The following MFSD2B variants were observed in gnomAD, a reference collection of about 807,000 sequenced individuals.
MFSD2B encodes the protein sphingosine-1-phosphate transporter MFSD2B.
Under a neutral mutation model 58.4 loss-of-function variants are expected in MFSD2B, and 56 were observed. The observed-to-expected ratio is 0.96, with a 90% CI of 0.77 to 1.20. The LOEUF is 1.20. Among genes scored for constraint, MFSD2B ranks in the 50% most tolerant of loss-of-function variants. MFSD2B has a pLI of 0.00. For missense variants in MFSD2B, 645 were observed against 667.6 expected, an observed-to-expected ratio of 0.97 and a Z score of 0.37; for synonymous variants, 287 against 294.4, an observed-to-expected ratio of 0.97 and a Z score of 0.26.
In MFSD2B at chr2:24,020,052, C is replaced by T. The variant is rs1053449367; in HGVS notation, c.682-1596C>T. Among the ~76,000 whole-genome samples the T allele has an allele frequency of 3.9e-5, 6 of 152,238 alleles. No homozygotes were observed. Among genetic ancestry groups the T allele is most frequent in the Non-Finnish European group, 5.9e-5 (4 of 68,042 alleles). The stretch of plus-strand genomic sequence containing the variant: ...TCTGTACACATGCCTCCCAGCTACA[C>T]GACCACGTCCAGGACCTGGTGCTAG... On this transcript the variant is annotated intron_variant, in intron 6 of 13. Transcript: ENST00000338315. The surrounding 1 kb of genome is among the most constrained non-coding windows in gnomAD (Gnocchi z 4.1).
chr2:24,019,537 AC>A (rs1662678624), intron 6 of MFSD2B, among the ~76,000 whole-genome samples: 1 of 152,136 alleles, frequency 6.6e-6, no homozygotes, highest in Admixed American at 6.5e-5. Context: ...AGCCTGGCCA[AC>A]ATGGTGAAAC....
At position 24,025,589 on chromosome 2, in the gene MFSD2B, G is replaced by A; in HGVS notation, c.*133G>A. On this transcript the variant is annotated 3_prime_UTR_variant, in exon 14 of 14. Transcript: ENST00000338315. ...TTCTCCCTGGGATGTGGAGTCTTCG[G>A]CAACGTGTCCTGAAGGGACTGGCCC... 1.2e-6 allele frequency: 1 copy of A among 819,780 alleles called. No homozygotes were observed. Among genetic ancestry groups the A allele is most frequent in the Non-Finnish European group, 2.0e-6 (1 of 503,678 alleles). 50.8% of individuals were successfully genotyped at this position (819,780 alleles called of 1,614,324 possible).
rs1248834731 is a variant in MFSD2B at position 24,023,050 on chromosome 2, T to C, written c.1060-80T>C. 7 of 1,360,704 alleles carry C rather than the reference T, an allele frequency of 5.1e-6. No individual in the cohort carries two copies. The African/African-American group carries it at 1.0e-4, about 19-fold the overall frequency. 84.3% of individuals were successfully genotyped at this position (1,360,704 alleles called of 1,614,324 possible). A position where few individuals can be genotyped will look rare whatever the true frequency, so the allele number is the denominator to read the frequency against. On this transcript the variant is annotated intron_variant, in intron 10 of 13. Transcript: ENST00000338315. This position sits in a 1 kb window ranked among gnomAD's most constrained non-coding sequence, Gnocchi z 5.0. ...CCTAGCACAGGGCAAGGCATGGGGG[T>C]CGTCAGTCGAGTCGTGTGTGAAGGA...
chr2:24,017,221 G>T lies in MFSD2B; in HGVS notation c.472-65G>T. 6.7e-7 allele frequency: 1 copy of T among 1,490,154 alleles called. No individual in the cohort carries two copies. The highest frequency in any genetic ancestry group is 2.5e-5 in the East Asian group (1 of 40,588). The allele number at this position is 1,490,154 out of a possible 1,614,324, so 92.3% of individuals were successfully genotyped here. ...GGTGTCGGGATGTGACACCCAGGAT[G>T]GGGGAGGTCGCCCGCTGTCACCAGG... On this transcript the variant is annotated intron_variant, in intron 4 of 13. Transcript: ENST00000338315. This position sits in a 1 kb window ranked among gnomAD's most constrained non-coding sequence, Gnocchi z 4.8.
Position 24,017,527 on chromosome 2 carries a change from A to G in MFSD2B, c.620A>G (p.His207Arg). The G allele has an allele frequency of 1.3e-6, 2 of 1,579,072 alleles. No homozygotes were observed. Among genetic ancestry groups the G allele is most frequent in the South Asian group, 1.2e-5 (1 of 86,260 alleles). ...TVHGLIVSGA[H>R]RPHRCEATAT... is the part of the protein sequence containing the mutation. Reference sequence around the variant, plus strand: ...CACGGGCTCATCGTGTCCGGCGCCCACAGACCCCACAGGTGCGAGGCCACT... The same window carrying G: ...CACGGGCTCATCGTGTCCGGCGCCCGCAGACCCCACAGGTGCGAGGCCACT... The change falls in exon 6 of 14, where the codon CAC becomes CGC. Residue 207 changes from histidine to arginine, a missense_variant. Physicochemically the swap from His to Arg is conservative, Grantham distance 29 (BLOSUM62 0). Coordinates refer to ENST00000338315, the MANE Select transcript of MFSD2B (RefSeq NM_001346880.2). This position sits in a 1 kb window ranked among gnomAD's most constrained non-coding sequence, Gnocchi z 4.8.
chr2:24,016,394 T>A, intron 3 of MFSD2B, 114 bp downstream of exon 3: 1 of 1,183,774 alleles, frequency 8.4e-7, no homozygotes, highest in Non-Finnish European at 1.2e-6. Context: ...GAGACAAGAC[T>A]GGATAATATC....
Position 24,017,060 on chromosome 2 carries a change from C to T in MFSD2B, c.471+92C>T. ...GTGTGCTGTGGGGGCAGGGCTGCCG[C>T]CCTCCCCACCCGCCTGTGCCTGGAC... On this transcript the variant is annotated intron_variant, in intron 4 of 13. Transcript: ENST00000338315. This position sits in a 1 kb window ranked among gnomAD's most constrained non-coding sequence, Gnocchi z 4.8. 1 of 1,488,400 alleles carries T rather than the reference C, an allele frequency of 6.7e-7. No individual in the cohort carries two copies. The highest frequency in any genetic ancestry group is 9.0e-7 in the Non-Finnish European group (1 of 1,111,956). 92.2% of individuals were successfully genotyped at this position (1,488,400 alleles called of 1,614,324 possible).
In MFSD2B at chr2:24,024,100, CG is replaced by C; in HGVS notation, c.1323del (p.Tyr442IlefsTer27). 2 of 1,613,588 alleles carry C rather than the reference CG, an allele frequency of 1.2e-6. No homozygotes were observed. The highest frequency in any genetic ancestry group is 1.7e-6 in the Non-Finnish European group (2 of 1,179,742). ...GCTGGCTGATGTTTCTCCAGGTTCT[CG>C]GGGTATAAGGCAGGGGTCTGCAAGC... The part of the protein sequence containing the change: ...LGISTLSLEF[S>X]GYKAGVCKQA... On this transcript the variant is annotated frameshift_variant, in exon 13 of 14. Coordinates refer to ENST00000338315, the MANE Select transcript of MFSD2B (RefSeq NM_001346880.2). LOFTEE classifies it high-confidence loss of function. This position sits in a 1 kb window ranked among gnomAD's most constrained non-coding sequence, Gnocchi z 4.3.
Position 24,017,048 on chromosome 2 carries a change from G to C in MFSD2B, c.471+80G>C, listed in dbSNP as rs985534113. 3.2e-6 allele frequency: 5 copies of C among 1,563,642 alleles called. No individual in the cohort carries two copies. Among genetic ancestry groups the C allele is most frequent in the Non-Finnish European group, 4.3e-6 (5 of 1,156,024 alleles). ...GGCCACTCTGAAGTGTGCTGTGGGG[G>C]CAGGGCTGCCGCCCTCCCCACCCGC... On this transcript the variant is annotated intron_variant, in intron 4 of 13. Transcript: ENST00000338315. The surrounding 1 kb of genome is among the most constrained non-coding windows in gnomAD (Gnocchi z 4.8).
chr2:24,014,394 T>A (rs1420230829), intron 2 of MFSD2B, among the ~76,000 whole-genome samples: 1 of 152,184 alleles, frequency 6.6e-6, no homozygotes, highest in African/African-American at 2.4e-5. Context: ...TCTCAGGTGT[T>A]CCATCCACCA....
chr2:24,022,995 G>T lies in MFSD2B; in HGVS notation c.1059+93G>T. 1 of 1,372,998 alleles carries T rather than the reference G, an allele frequency of 7.3e-7. No homozygotes were observed. 85.1% of individuals were successfully genotyped at this position (1,372,998 alleles called of 1,614,324 possible). A position where few individuals can be genotyped will look rare whatever the true frequency, so the allele number is the denominator to read the frequency against. On this transcript the variant is annotated intron_variant, in intron 10 of 13. Transcript: ENST00000338315. The surrounding 1 kb of genome is among the most constrained non-coding windows in gnomAD (Gnocchi z 4.5). ...CCTGAGCCTCCTGGGGCCAGCAGGG[G>T]TGGATCTGTGTTCCCTTGAGTCTTT...
rs755574784 is a variant in MFSD2B, at chr2:24,023,289, C to T, written c.1169+50C>T. On this transcript the variant is annotated intron_variant, in intron 11 of 13. Coordinates refer to ENST00000338315, the MANE Select transcript of MFSD2B (RefSeq NM_001346880.2). The surrounding 1 kb of genome is among the most constrained non-coding windows in gnomAD (Gnocchi z 5.0). Reference sequence around the variant, plus strand: ...GTGTGTCCACAGTGGGTGTCACCTCCTTCATGTAAACCTGCCGTCCCAGGC... The same window carrying T: ...GTGTGTCCACAGTGGGTGTCACCTCTTTCATGTAAACCTGCCGTCCCAGGC... 6.8e-7 allele frequency: 1 copy of T among 1,471,734 alleles called. No individual in the cohort carries two copies. The highest frequency in any genetic ancestry group is 1.7e-5 in the Admixed American group (1 of 59,724). 91.2% of individuals were successfully genotyped at this position (1,471,734 alleles called of 1,614,324 possible). A position where few individuals can be genotyped will look rare whatever the true frequency, so the allele number is the denominator to read the frequency against.
chr2:24,019,081 C>G (rs1472217305), intron 6 of MFSD2B, among the ~76,000 whole-genome samples: 2 of 152,032 alleles, frequency 1.3e-5, no homozygotes, highest in Non-Finnish European at 2.9e-5. Flanking sequence ...AAATTCCTGA[C>G]CTCAGGTAAT....
chr2:24,012,147 ACAAAACACACACAC>A lies in MFSD2B; in HGVS notation c.97-1137_97-1124del, dbSNP rs1708975093. 7.8e-6 allele frequency among the ~76,000 whole-genome samples: 1 copy of A among 128,206 alleles called. No homozygotes were observed. Among genetic ancestry groups the A allele is most frequent in the African/African-American group, 2.8e-5 (1 of 36,024 alleles). The allele number at this position is 128,206 out of a possible 152,430, so 84.1% of individuals were successfully genotyped here. A position where few individuals can be genotyped will look rare whatever the true frequency, so the allele number is the denominator to read the frequency against. On this transcript the variant is annotated intron_variant, in intron 1 of 13. Transcript: ENST00000338315. The surrounding 1 kb of genome is among the most constrained non-coding windows in gnomAD (Gnocchi z 4.5). ...GATCTGGAAACAAACAAACAAACAA[ACAAAACACACACAC>A]ACACACACACACACACACAAAAACA...
rs1265171936 is a variant in MFSD2B at position 24,012,181 on chromosome 2, A to C, written c.97-1104A>C. ...ACACACACACACACACACACACACA[A>C]AAACAGACAAAAAAACCCTGCAATA... On this transcript the variant is annotated intron_variant, in intron 1 of 13. Transcript: ENST00000338315. The surrounding 1 kb of genome is among the most constrained non-coding windows in gnomAD (Gnocchi z 4.5). Among the ~76,000 whole-genome samples the C allele has an allele frequency of 7.1e-6, 1 of 140,514 alleles. No individual in the cohort carries two copies. The highest frequency in any genetic ancestry group is 1.6e-5 in the Non-Finnish European group (1 of 60,904). The allele number at this position is 140,514 out of a possible 152,430, so 92.2% of individuals were successfully genotyped here. A position where few individuals can be genotyped will look rare whatever the true frequency, so the allele number is the denominator to read the frequency against.
At chr2:24,010,239 C>A (rs905553373) in intron 1 of MFSD2B, 47 bp downstream of exon 1, 81 of 1,301,528 alleles carry the variant, frequency 6.2e-5, no homozygotes, top group Non-Finnish European at 7.4e-5. Flanking sequence ...CCTCGGGGAG[C>A]TCCAGGGCGT....
At position 24,021,590 on chromosome 2, in the gene MFSD2B, TG is replaced by T; in HGVS notation, c.682-57del. ...AGGCAGTACTGCCCTGCCCCTCCGG[TG>T]TCACCACCTCCAGGGGTTGAAGACA... On this transcript the variant is annotated intron_variant, in intron 6 of 13. Coordinates refer to ENST00000338315, the MANE Select transcript of MFSD2B (RefSeq NM_001346880.2). This position sits in a 1 kb window ranked among gnomAD's most constrained non-coding sequence, Gnocchi z 5.7. The T allele has an allele frequency of 6.7e-7, 1 of 1,498,764 alleles. No homozygotes were observed. The highest frequency in any genetic ancestry group is 9.2e-7 in the Non-Finnish European group (1 of 1,092,408). The allele number at this position is 1,498,764 out of a possible 1,614,324, so 92.8% of individuals were successfully genotyped here.
At position 24,017,390 on chromosome 2, in the gene MFSD2B, T is replaced by G. The variant is rs750230105; in HGVS notation, c.550+26T>G. ...GTGAGTGCAGCCGTGGGTTTCGGGT[T>G]CCAGGGAGGCAACTGCCCCTGGGAC... On this transcript the variant is annotated intron_variant, in intron 5 of 13. Transcript: ENST00000338315. This position sits in a 1 kb window ranked among gnomAD's most constrained non-coding sequence, Gnocchi z 4.8. The G allele has an allele frequency of 6.3e-7, 1 of 1,599,716 alleles. No individual in the cohort carries two copies. Among genetic ancestry groups the G allele is most frequent in the Admixed American group, 1.7e-5 (1 of 58,084 alleles).
chr2:24,021,884 T>G lies in MFSD2B; in HGVS notation c.808T>G (p.Phe270Val), dbSNP rs1324959863. 1 of 1,613,974 alleles carries G rather than the reference T, an allele frequency of 6.2e-7. No individual in the cohort carries two copies. Among genetic ancestry groups the G allele is most frequent in the South Asian group, 1.1e-5 (1 of 91,080 alleles). ...SAPASGPGLS[F>V]LAGLSLTTRH... ...CCCAGCCTCAGGCCCAGGCTTGAGTTTCCTGGCTGGGCTGAGCCTCACTAC... is the reference window on the plus strand; with the variant it reads ...CCCAGCCTCAGGCCCAGGCTTGAGTGTCCTGGCTGGGCTGAGCCTCACTAC... Residue 270 changes from phenylalanine to valine, a missense_variant, in exon 8 of 14, where the codon TTC (phenylalanine) becomes GTC (valine). Physicochemically the swap from Phe to Val is conservative, Grantham distance 50. Transcript: ENST00000338315. The surrounding 1 kb of genome is among the most constrained non-coding windows in gnomAD (Gnocchi z 5.7).
Sources: gnomAD v4.1 joint callset for allele counts (sites outside exome capture counted in the v4.1 genomes callset) on GRCh38, gnomAD v4.1.1 for gene constraint, Gnocchi (gnomAD v3.1) non-coding constraint, MANE v1.5 for transcripts, NCBI Gene and HGNC (gene_info 2026-07-23, HGNC 2026-07-21) for gene names.